ASAP2: variants seen among roughly 807,000 people sequenced by gnomAD.
ASAP2 encodes the protein arf-GAP with SH3 domain, ANK repeat and PH domain-containing protein 2.
A neutral mutation model predicts 131.4 loss-of-function variants in ASAP2; 45 were observed. The ratio of observed to expected loss-of-function variants is 0.34; its 90% CI spans 0.27 to 0.44. ASAP2 has a LOEUF of 0.44. Ranked by LOEUF, ASAP2 falls within the 20% of genes least tolerant of loss-of-function variation. The probability of loss-of-function intolerance (pLI) is 1.00; values close to 1 mark genes in which losing one functional copy is unlikely to be tolerated. For missense variants in ASAP2, 1,011 were observed against 1,297.0 expected (o/e 0.78, Z 3.39); for synonymous variants, 510 against 503.0 (o/e 1.01, Z -0.19).
chr2:9,366,038 G>C (rs2709572), intron 15 of ASAP2, among the ~76,000 whole-genome samples: 15,605 of 152,142 alleles, frequency 0.1, 2,238 homozygotes, highest in African/African-American at 0.32. Context: ...CAGGTCGACA[G>C]CCACCTTCCT....
intron 8 of ASAP2, 73 bp from the exon 9 acceptor site, chr2:9,335,020 T>C: frequency 6.7e-7 from 1 of 1,494,456 alleles, no homozygotes; most frequent in African/African-American, 1.4e-5. Context: ...AATGGCCCCA[T>C]GAGCACCAAC....
At chr2:9,363,687 A>G (rs2709573) in intron 15 of ASAP2, among the ~76,000 whole-genome samples, 15,681 of 151,928 alleles carry the variant, frequency 0.1, 2,252 homozygotes, top group African/African-American at 0.32. Flanking sequence ...AGGCTCATGC[A>G]ATCCTTCTGG....
At position 9,255,461 on chromosome 2, in the gene ASAP2, C is replaced by T. The variant is rs1200637739; in HGVS notation, c.127-23856C>T. On this transcript the variant is annotated intron_variant, in intron 1 of 27. Coordinates refer to ENST00000281419, the MANE Select transcript of ASAP2 (RefSeq NM_003887.3). ...GGATCTAGCAATTTACTTAAATTCT[C>T]CTATGGAATTTTAAAAAGATGGCCT... is the stretch of plus-strand genomic sequence containing the variant. Among the ~76,000 whole-genome samples the T allele has an allele frequency of 2.0e-5, 3 of 152,176 alleles. No individual in the cohort carries two copies. In the East Asian group the frequency reaches 5.8e-4, roughly 29 times the overall value.
At chr2:9,227,521 A>ACGCTATT in intron 1 of ASAP2, among the ~76,000 whole-genome samples, 1 of 152,250 alleles carries the variant, frequency 6.6e-6, no homozygotes, top group Non-Finnish European at 1.5e-5. Flanking sequence ...CTATTTTCAA[A>ACGCTATT]CGCTATTCGG....
At chr2:9,245,100 G>C (rs1664245991) in intron 1 of ASAP2, among the ~76,000 whole-genome samples, 1 of 152,150 alleles carries the variant, frequency 6.6e-6, no homozygotes, top group South Asian at 2.1e-4. Context: ...AAGTCACTTT[G>C]ATACCCACTT....
At chr2:9,333,057 A>G (rs989760615) in intron 7 of ASAP2, among the ~76,000 whole-genome samples, 2 of 152,216 alleles carry the variant, frequency 1.3e-5, no homozygotes, top group Admixed American at 1.3e-4. Flanking sequence ...GCCACGCTGC[A>G]GTGTTTTCAC....
At chr2:9,254,563 G>A (rs1665024808) in intron 1 of ASAP2, among the ~76,000 whole-genome samples, 1 of 134,402 alleles carries the variant, frequency 7.4e-6, no homozygotes, top group Admixed American at 8.0e-5. Flanking sequence ...TAGTAGAGAC[G>A]GGGTTTTACC....
At chr2:9,267,950 A>G (rs1666059203) in intron 1 of ASAP2, among the ~76,000 whole-genome samples, 1 of 148,874 alleles carries the variant, frequency 6.7e-6, no homozygotes. Flanking sequence ...GGTTTTGGCC[A>G]GCACTCCAAG....
intron 19 of ASAP2, 88 bp downstream of exon 19, chr2:9,379,147 G>T: frequency 2.2e-6 from 2 of 905,820 alleles, no homozygotes; most frequent in Non-Finnish European, 3.1e-6. Flanking sequence ...CTTGGAAACA[G>T]GGCCAACCCT....
intron 7 of ASAP2, among the ~76,000 whole-genome samples, chr2:9,330,170 C>T (rs1670737773): frequency 6.6e-6 from 1 of 152,134 alleles, no homozygotes; most frequent in Non-Finnish European, 1.5e-5. Flanking sequence ...CACTTGAGGT[C>T]AGGCGGCAAA....
intron 16 of ASAP2, among the ~76,000 whole-genome samples, chr2:9,369,403 T>C (rs1213096753): frequency 1.3e-5 from 2 of 152,202 alleles, no homozygotes; most frequent in Admixed American, 1.3e-4. Flanking sequence ...AGTGGCCATG[T>C]CACACTAGTC....
intron 21 of ASAP2, 33 bp downstream of exon 21, chr2:9,385,391 T>C (rs1675188478): frequency 1.3e-6 from 2 of 1,520,154 alleles, no homozygotes; most frequent in Non-Finnish European, 1.8e-6. Flanking sequence ...TTAAGAGTTT[T>C]GATCAGCTTC....
At chr2:9,344,488 A>G (rs1490879558) in intron 9 of ASAP2, 44 bp from the exon 10 acceptor site, 2 of 1,503,960 alleles carry the variant, frequency 1.3e-6, no homozygotes, top group South Asian at 2.4e-5. Flanking sequence ...TCTAAAAATT[A>G]GGACCTGGAC....
At chr2:9,298,254 T>C (rs1254596520) in intron 3 of ASAP2, among the ~76,000 whole-genome samples, 4 of 152,194 alleles carry the variant, frequency 2.6e-5, no homozygotes, top group Non-Finnish European at 5.9e-5. Context: ...TCGTGTCCTC[T>C]GTTAGGAAGC....
chr2:9,350,659 T>C (rs1672269044), intron 11 of ASAP2, 149 bp from the exon 12 acceptor site: 1 of 584,674 alleles, frequency 1.7e-6, no homozygotes, highest in Non-Finnish European at 2.9e-6. Context: ...CTTGTCCCAG[T>C]CAAGCCTTCC....
chr2:9,394,656 C>T (rs1271543380), intron 24 of ASAP2, among the ~76,000 whole-genome samples: 3 of 152,144 alleles, frequency 2.0e-5, no homozygotes, highest in Admixed American at 6.5e-5. Flanking sequence ...CTCTCTATTC[C>T]GTATATTTCT....
intron 2 of ASAP2, among the ~76,000 whole-genome samples, chr2:9,280,919 G>C (rs1667091701): frequency 6.6e-6 from 1 of 152,114 alleles, no homozygotes; most frequent in Non-Finnish European, 1.5e-5. Flanking sequence ...GAGAGTTCTG[G>C]GTGTTCCCAA....
chr2:9,396,365 C>T (rs531521481), intron 24 of ASAP2, among the ~76,000 whole-genome samples: 19 of 152,192 alleles, frequency 1.2e-4, no homozygotes, highest in Admixed American at 5.2e-4. Context: ...GCCTCGACCT[C>T]CTGGGCCCAG....
chr2:9,237,175 G>A (rs1478531513), intron 1 of ASAP2, among the ~76,000 whole-genome samples: 17 of 150,546 alleles, frequency 1.1e-4, no homozygotes, highest in Non-Finnish European at 3.0e-5. Flanking sequence ...AAAAAAGAGA[G>A]TTAAAAAAAA....
Sources: allele counts gnomAD v4.1 joint callset (sites outside exome capture counted in the v4.1 genomes callset), GRCh38; gene constraint gnomAD v4.1.1; transcripts MANE v1.5; gene names NCBI Gene and HGNC (gene_info 2026-07-23, HGNC 2026-07-21).